The following RASSF8 variants were observed in gnomAD, a reference collection of about 807,000 sequenced individuals.
RASSF8 encodes ras association domain-containing protein 8.
In RASSF8, 22 loss-of-function variants were observed where a neutral mutation model predicts 48.5. The ratio of observed to expected loss-of-function variants is 0.45; its 90% confidence interval spans 0.32 to 0.65. The LOEUF (loss-of-function observed/expected upper bound fraction) is 0.65, where lower values mean the gene tolerates loss of function less well. RASSF8 is among the 30% of genes least tolerant of loss of function. The pLI, the probability that RASSF8 is intolerant of heterozygous loss-of-function variation, is 0.03. For synonymous variants in RASSF8, 127 were observed against 171.5 expected (o/e 0.74, Z 2.03); for missense variants, 418 against 489.2 (o/e 0.85, Z 1.37).
intron 2 of RASSF8, among the ~76,000 whole-genome samples, chr12:25,996,458 GA>G (rs1942136185): frequency 6.6e-6 from 1 of 152,150 alleles, no homozygotes; most frequent in African/African-American, 2.4e-5. Flanking sequence ...AACTGTGGTT[GA>G]GGCTTAATGT....
intron 2 of RASSF8, among the ~76,000 whole-genome samples, chr12:26,041,320 G>C (rs1369858283): frequency 1.3e-5 from 2 of 152,128 alleles, no homozygotes; most frequent in African/African-American, 4.8e-5. Context: ...AGCTTTTAGA[G>C]ATTTTCATTC....
intron 2 of RASSF8, among the ~76,000 whole-genome samples, chr12:26,025,501 G>A (rs1327330774): frequency 6.6e-6 from 1 of 150,612 alleles, no homozygotes; most frequent in Non-Finnish European, 1.5e-5. Context: ...GATGGAGCTG[G>A]CAGTGAGCCG....
At chr12:26,030,804 G>A (rs1398192185) in intron 2 of RASSF8, among the ~76,000 whole-genome samples, 1 of 152,080 alleles carries the variant, frequency 6.6e-6, no homozygotes, top group African/African-American at 2.4e-5. Flanking sequence ...CAAGTGCCTG[G>A]TTTTGGGGCT....
intron 2 of RASSF8, among the ~76,000 whole-genome samples, chr12:26,022,856 C>T (rs1936662909): frequency 6.6e-6 from 1 of 152,126 alleles, no homozygotes; most frequent in African/African-American, 2.4e-5. Context: ...GTTCTCCTGC[C>T]TCAGCCTCCC....
chr12:26,028,205 C>G lies in RASSF8; in HGVS notation c.-108-27031C>G, dbSNP rs530510569. Among the ~76,000 whole-genome samples, 430 of 152,116 alleles carry G rather than the reference C, an allele frequency of 2.8e-3. 3 individuals carry two copies. The highest frequency in any genetic ancestry group is 0.01 in the African/African-American group (415 of 41,496). On this transcript the variant is annotated intron_variant, in intron 2 of 5. Coordinates refer to ENST00000689635, the MANE Select transcript of RASSF8 (RefSeq NM_001394098.1). ...TCACTCAGAACTTCATTTTCTTTCCCTGTACTCTTTGGAAGTATAGGTGAT... is the reference window on the plus strand; with the variant it reads ...TCACTCAGAACTTCATTTTCTTTCCGTGTACTCTTTGGAAGTATAGGTGAT...
At chr12:26,058,391 C>T (rs2137260510) in intron 3 of RASSF8, among the ~76,000 whole-genome samples, 1 of 152,314 alleles carries the variant, frequency 6.6e-6, no homozygotes, top group South Asian at 2.1e-4. Flanking sequence ...AAGTGGCTAG[C>T]TAGATTATTA....
At chr12:25,993,383 A>G (rs1422287680) in intron 1 of RASSF8, among the ~76,000 whole-genome samples, 3 of 152,212 alleles carry the variant, frequency 2.0e-5, no homozygotes, top group East Asian at 1.9e-4. Context: ...TCAGCTATCT[A>G]CTTCCCACTC....
In RASSF8 at chr12:25,994,039, C is replaced by T. The variant is rs55712088; in HGVS notation, c.-202-998C>T. On this transcript the variant is annotated intron_variant, in intron 1 of 5. Coordinates refer to ENST00000689635, the MANE Select transcript of RASSF8 (RefSeq NM_001394098.1). Reference sequence around the variant, plus strand: ...TTCATTCAGGGCTATAGCAGCTGTGCAGGGAGAGCCCAGCTATGAAAGGGG... The same window carrying T: ...TTCATTCAGGGCTATAGCAGCTGTGTAGGGAGAGCCCAGCTATGAAAGGGG... Among the ~76,000 whole-genome samples, 228 of 152,268 alleles carry T rather than the reference C, an allele frequency of 1.5e-3. 1 individual carries two copies. Among genetic ancestry groups the T allele is most frequent in the African/African-American group, 5.2e-3 (218 of 41,566 alleles).
At chr12:26,044,519 T>TG (rs1943331910) in intron 2 of RASSF8, among the ~76,000 whole-genome samples, 2 of 152,184 alleles carry the variant, frequency 1.3e-5, no homozygotes, top group Non-Finnish European at 2.9e-5. Flanking sequence ...ATATTATCAA[T>TG]GTACTGTAGG....
At position 26,064,852 on chromosome 12, in the gene RASSF8, A is replaced by C; in HGVS notation, c.458A>C (p.Gln153Pro). The C allele has an allele frequency of 6.2e-7, 1 of 1,614,240 alleles. No individual in the cohort carries two copies. Among genetic ancestry groups the C allele is most frequent in the South Asian group, 1.1e-5 (1 of 91,072 alleles). ...FGKGKETEFK[Q>P]KVLNNCKTTA... ...AAAGGTAAAGAAACTGAGTTTAAGCAAAAGGTGCTGAATAACTGCAAAACA... is the reference window on the plus strand; with the variant it reads ...AAAGGTAAAGAAACTGAGTTTAAGCCAAAGGTGCTGAATAACTGCAAAACA... Residue 153 changes from glutamine (Q) to proline (P), a missense_variant, in exon 4 of 6, where the codon CAA (glutamine) becomes CCA (proline). Physicochemically the swap from Gln to Pro is moderately conservative, Grantham distance 76. Coordinates refer to ENST00000689635, the MANE Select transcript of RASSF8 (RefSeq NM_001394098.1).
intron 1 of RASSF8, among the ~76,000 whole-genome samples, chr12:25,980,049 A>G (rs1476784863): frequency 2.0e-5 from 3 of 152,242 alleles, no homozygotes; most frequent in Admixed American, 6.5e-5. Flanking sequence ...AAATTTAGGC[A>G]TGAGAAACTA....
At chr12:25,989,423 A>T (rs1941963145) in intron 1 of RASSF8, among the ~76,000 whole-genome samples, 1 of 151,802 alleles carries the variant, frequency 6.6e-6, no homozygotes, top group African/African-American at 2.4e-5. Flanking sequence ...AATTGGAATG[A>T]TAGAAGACAC....
intron 1 of RASSF8, among the ~76,000 whole-genome samples, chr12:25,992,506 A>C (rs1942037999): frequency 6.6e-6 from 1 of 152,232 alleles, no homozygotes; most frequent in Non-Finnish European, 1.5e-5. Context: ...ACCTGGAGTG[A>C]CTAGTTTTGA....
chr12:26,077,965 C>G (rs1481926526), intron 5 of RASSF8, among the ~76,000 whole-genome samples: 1 of 152,164 alleles, frequency 6.6e-6, no homozygotes, highest in Admixed American at 6.5e-5. Flanking sequence ...AATGTCAGGT[C>G]AAAATCGAGG....
At chr12:25,978,511 T>C (rs761047888) in intron 1 of RASSF8, among the ~76,000 whole-genome samples, 2 of 152,242 alleles carry the variant, frequency 1.3e-5, no homozygotes, top group Non-Finnish European at 2.9e-5. Flanking sequence ...GACAGAAGCA[T>C]GTGCTTGTGC....
At chr12:26,059,224 T>C (rs1405296761) in intron 3 of RASSF8, among the ~76,000 whole-genome samples, 3 of 152,068 alleles carry the variant, frequency 2.0e-5, no homozygotes, top group Non-Finnish European at 4.4e-5. Flanking sequence ...AAAGTCCAGC[T>C]AACAAAAGAT....
exon 6 of RASSF8, chr12:26,079,318 C>T (rs1944097757): frequency 6.3e-6 from 2 of 315,772 alleles, no homozygotes; most frequent in Non-Finnish European, 1.2e-5. Context: ...GGCATGGTGG[C>T]TCACGCCTGT....
At chr12:26,048,946 C>G (rs7133619) in intron 2 of RASSF8, among the ~76,000 whole-genome samples, 1 of 152,004 alleles carries the variant, frequency 6.6e-6, no homozygotes, top group South Asian at 2.1e-4. Context: ...TTAGTAGAGA[C>G]GGGGTTTCAC....
At chr12:25,959,601 C>CTAT (rs1156938921) in intron 1 of RASSF8, 3 of 152,242 alleles carry the variant, frequency 2.0e-5, no homozygotes, top group Admixed American at 2.0e-4. Flanking sequence ...TTCATTTGAA[C>CTAT]TATTAACCAT....
Sources: gnomAD v4.1 joint callset for allele counts (sites outside exome capture counted in the v4.1 genomes callset) on GRCh38, gnomAD v4.1.1 for gene constraint, MANE v1.5 for transcripts, NCBI Gene and HGNC (gene_info 2026-07-23, HGNC 2026-07-21) for gene names.